The following ATIC variants were observed in gnomAD, a reference collection of about 807,000 sequenced individuals.
ATIC encodes the protein bifunctional purine biosynthesis protein ATIC.
Under a neutral mutation model 72.5 loss-of-function variants are expected in ATIC, and 64 were observed. The ratio of observed to expected loss-of-function variants is 0.88; its 90% CI spans 0.72 to 1.09. The LOEUF (loss-of-function observed/expected upper bound fraction) is 1.09, where lower values mean the gene tolerates loss of function less well. Ranked by LOEUF, ATIC falls within the 50% of genes least tolerant of loss-of-function variation. The pLI is 0.00. For missense variants in ATIC, 787 were observed against 732.4 expected, an observed-to-expected ratio of 1.07 and a Z score of -0.86; for synonymous variants, 281 against 267.1, an observed-to-expected ratio of 1.05 and a Z score of -0.51.
intron 1 of ATIC, 23 bp from the exon 2 acceptor site, chr2:215,312,475 A>T: frequency 6.2e-7 from 1 of 1,614,224 alleles, no homozygotes; most frequent in Admixed American, 1.7e-5. Context: ...GCGAATCATG[A>T]GAAAAAATGT....
chr2:215,358,293 A>C, the ATIC span, among the ~76,000 whole-genome samples: 1 of 152,194 alleles, frequency 6.6e-6, no homozygotes, highest in East Asian at 1.9e-4. Context: ...AGTCTGATTA[A>C]CATTTACTAG....
rs769397434 is a variant in ATIC at position 215,326,089 on chromosome 2, C to T, written c.482C>T (p.Ser161Phe). The change falls in exon 6 of 16, where the codon TCC becomes TTC. Residue 161 changes from serine (S) to phenylalanine (F), a missense_variant. Transcript: ENST00000236959. ...YVVVSTEMQS[S>F]ESKDTSLETR... ...GTGGTGTCCACGGAGATGCAGAGCTCCGAGAGTAAGGACACCTCCTTGGAG... is the reference window on the plus strand; with the variant it reads ...GTGGTGTCCACGGAGATGCAGAGCTTCGAGAGTAAGGACACCTCCTTGGAG... 1 of 1,614,068 alleles carries T rather than the reference C, an allele frequency of 6.2e-7. No homozygotes were observed. The highest frequency in any genetic ancestry group is 1.1e-5 in the South Asian group (1 of 91,082).
chr2:215,336,928 A>G (rs1245898202), intron 11 of ATIC, among the ~76,000 whole-genome samples: 1 of 152,222 alleles, frequency 6.6e-6, no homozygotes, highest in Non-Finnish European at 1.5e-5. Flanking sequence ...GTGGTTTTAT[A>G]CTTTTAAAAA....
chr2:215,338,618 C>G (rs1328455505), intron 11 of ATIC, 161 bp from the exon 12 acceptor site: 2 of 651,806 alleles, frequency 3.1e-6, no homozygotes, highest in Non-Finnish European at 5.0e-6. Flanking sequence ...TGATTTAACA[C>G]ATCATTTGTT....
chr2:215,337,100 A>G (rs1215148134), intron 11 of ATIC, among the ~76,000 whole-genome samples: 1 of 132,090 alleles, frequency 7.6e-6, no homozygotes, highest in Non-Finnish European at 1.6e-5. Context: ...TTTTTTTTTT[A>G]ACTGATTTTT....
chr2:215,325,971 CT>C lies in ATIC; in HGVS notation c.380-12del, dbSNP rs2052819496. The C allele has an allele frequency of 6.2e-7, 1 of 1,613,776 alleles. No individual in the cohort carries two copies. On this transcript the variant is annotated splice_polypyrimidine_tract_variant and intron_variant, in intron 5 of 15. Transcript: ENST00000236959. ...TAGGGACATACAAAAATCAATAAGT[CT>C]TTTGTTCTTCAAAGGTGGAGTAACC...
At chr2:215,344,683 C>G in intron 12 of ATIC, 96 bp from the exon 13 acceptor site, 2 of 1,257,548 alleles carry the variant, frequency 1.6e-6, no homozygotes, top group Non-Finnish European at 2.2e-6. Flanking sequence ...GACTCTGACT[C>G]AAAAAAACCA....
chr2:215,315,529 G>T (rs188753263), intron 2 of ATIC, among the ~76,000 whole-genome samples: 4 of 152,158 alleles, frequency 2.6e-5, no homozygotes, highest in Admixed American at 2.0e-4. Flanking sequence ...ACTAATTTTT[G>T]TATTTTTCAT....
intron 9 of ATIC, among the ~76,000 whole-genome samples, chr2:215,334,140 TTTG>T (rs1304171882): frequency 6.6e-6 from 1 of 152,054 alleles, no homozygotes; most frequent in Non-Finnish European, 1.5e-5. Context: ...ATTGAATGCA[TTTG>T]TTATTGTTTA....
At chr2:215,313,247 A>C (rs747456277) in intron 2 of ATIC, among the ~76,000 whole-genome samples, 3 of 152,210 alleles carry the variant, frequency 2.0e-5, no homozygotes, top group Non-Finnish European at 2.9e-5. Flanking sequence ...CTTGTTATGC[A>C]AGGAAAACTT....
At chr2:215,360,452 A>G in the ATIC span, 1 of 152,172 alleles carries the variant, frequency 6.6e-6, no homozygotes, top group East Asian at 1.9e-4. Flanking sequence ...CTATTCAAAT[A>G]CTTTTAATAT....
downstream of ATIC, among the ~76,000 whole-genome samples, chr2:215,351,495 C>T (rs956774784): frequency 6.6e-6 from 1 of 152,120 alleles, no homozygotes; most frequent in Non-Finnish European, 1.5e-5. Flanking sequence ...AGCACTGTGT[C>T]TCCTGTCTAT....
At chr2:215,344,533 A>G (rs2053051813) in intron 12 of ATIC, among the ~76,000 whole-genome samples, 1 of 152,016 alleles carries the variant, frequency 6.6e-6, no homozygotes, top group African/African-American at 2.4e-5. Flanking sequence ...TCTACTAAAA[A>G]TACAAAAATT....
chr2:215,365,414 T>C, the ATIC span: 14 of 1,384,814 alleles, frequency 1.0e-5, no homozygotes, highest in Middle Eastern at 1.8e-4. Flanking sequence ...AGACCTAAAG[T>C]CTCCAATCAT....
chr2:215,325,821 C>T (rs1426000323), intron 5 of ATIC, among the ~76,000 whole-genome samples, 166 bp from the exon 6 acceptor site: 1 of 152,188 alleles, frequency 6.6e-6, no homozygotes, highest in African/African-American at 2.4e-5. Context: ...CTGCCTCAGC[C>T]TCCCAAAGTG....
At chr2:215,338,692 T>TA (rs2052983358) in intron 11 of ATIC, 87 bp from the exon 12 acceptor site, 1 of 1,410,634 alleles carries the variant, frequency 7.1e-7, no homozygotes, top group Non-Finnish European at 9.7e-7. Flanking sequence ...TAACTTTACT[T>TA]ACAATGAAAT....
intron 9 of ATIC, among the ~76,000 whole-genome samples, chr2:215,334,189 C>G (rs201665425): frequency 9.9e-6 from 1 of 101,004 alleles, no homozygotes; most frequent in Non-Finnish European, 1.9e-5. Context: ...AAAAGCTATT[C>G]TTTTTTTTTT....
At chr2:215,325,637 A>G (rs556916483) in intron 5 of ATIC, among the ~76,000 whole-genome samples, 1 of 152,164 alleles carries the variant, frequency 6.6e-6, no homozygotes, top group African/African-American at 2.4e-5. Flanking sequence ...GTTTTGGCTG[A>G]CTGCAACCTC....
chr2:215,329,640 T>G (rs1299814032), intron 7 of ATIC, among the ~76,000 whole-genome samples: 3 of 152,230 alleles, frequency 2.0e-5, no homozygotes, highest in Non-Finnish European at 2.9e-5. Context: ...TGCTTATGAT[T>G]GGAAAGAAGA....
Sources: allele counts gnomAD v4.1 joint callset (sites outside exome capture counted in the v4.1 genomes callset), GRCh38; gene constraint gnomAD v4.1.1; transcripts MANE v1.5; gene names NCBI Gene and HGNC (gene_info 2026-07-23, HGNC 2026-07-21).